The following SRL variants were observed in gnomAD, a reference collection of about 807,000 sequenced individuals.
The protein encoded by SRL is sarcalumenin.
SRL carries 23 observed loss-of-function variants against 39.5 expected under a neutral mutation model. The observed-to-expected ratio is 0.58, with a 90% CI of 0.42 to 0.82. The LOEUF is 0.82. Among genes scored for constraint, SRL ranks in the 40% least tolerant of loss-of-function variants. SRL has a pLI of 0.00. For missense variants in SRL, 592 were observed against 607.8 expected (o/e 0.97, Z 0.27); for synonymous variants, 272 against 237.4 (o/e 1.15, Z -1.34).
At chr16:4,223,043 A>G (rs977564178) in intron 1 of SRL, among the ~76,000 whole-genome samples, 1 of 152,086 alleles carries the variant, frequency 6.6e-6, no homozygotes, top group South Asian at 2.1e-4. Flanking sequence ...TAGCCTGGCC[A>G]GCATGGTAAA....
At chr16:4,201,842 A>G (rs568843695) in intron 3 of SRL, among the ~76,000 whole-genome samples, 1 of 92,498 alleles carries the variant, frequency 1.1e-5, no homozygotes, top group African/African-American at 6.2e-5. Context: ...TTTTAATAGA[A>G]ACGGGGTTTC....
chr16:4,193,004 T>A (rs1265476367), intron 5 of SRL, 40 bp from the exon 6 acceptor site: 2 of 1,555,756 alleles, frequency 1.3e-6, no homozygotes, highest in East Asian at 2.3e-5. Flanking sequence ...TGAGTAGGCC[T>A]CCCTCAAAGC....
intron 1 of SRL, among the ~76,000 whole-genome samples, chr16:4,223,225 C>T: frequency 8.8e-6 from 1 of 114,166 alleles, no homozygotes; most frequent in African/African-American, 4.1e-5. Context: ...GAGCAAAACT[C>T]TGTCTCAAAA....
At position 4,222,131 on chromosome 16, in the gene SRL, A is replaced by G. The variant is rs564440178; in HGVS notation, c.62-17497T>C. On this transcript the variant is annotated intron_variant, in intron 1 of 5. Coordinates refer to ENST00000399609, the MANE Select transcript of SRL (RefSeq NM_001098814.2). ...ACCACCACCTGCCTAACCCACTGCC[A>G]CTCCCTTCCCCCAGCCTGGCCCCTC... Among the ~76,000 whole-genome samples, 11 of 151,558 alleles carry G rather than the reference A, an allele frequency of 7.3e-5. No homozygotes were observed. The South Asian group carries it at 2.3e-3, about 32-fold the overall frequency.
intron 5 of SRL, among the ~76,000 whole-genome samples, chr16:4,195,281 C>T (rs1428558035): frequency 6.6e-6 from 1 of 152,040 alleles, no homozygotes; most frequent in Non-Finnish European, 1.5e-5. Context: ...ATTGCAGCCT[C>T]AACTTCCTCA....
chr16:4,224,060 T>G (rs950410032), intron 1 of SRL, among the ~76,000 whole-genome samples: 1 of 151,674 alleles, frequency 6.6e-6, no homozygotes, highest in African/African-American at 2.4e-5. Context: ...TGGATGGAAC[T>G]CTAGTAGCCA....
At chr16:4,233,650 C>T (rs567347517) in intron 1 of SRL, among the ~76,000 whole-genome samples, 7 of 152,190 alleles carry the variant, frequency 4.6e-5, no homozygotes, top group South Asian at 4.1e-4. Flanking sequence ...AACTCATTCC[C>T]GCCTGCACAG....
intron 3 of SRL, 143 bp from the exon 4 acceptor site, chr16:4,198,058 GCGCTTCTCTTGCTA>G (rs1431578161): frequency 7.7e-6 from 5 of 647,214 alleles, no homozygotes; most frequent in Non-Finnish European, 1.4e-5. Context: ...GCCCCCAGTG[GCGCTTCTCTTGCTA>G]CGTAAGTGTG....
At chr16:4,201,473 T>C (rs370621702) in intron 3 of SRL, among the ~76,000 whole-genome samples, 19,306 of 126,518 alleles carry the variant, frequency 0.15, 2,586 homozygotes, top group African/African-American at 0.27. Flanking sequence ...GGCAGGGTTC[T>C]GCCATGTTGG....
intron 1 of SRL, among the ~76,000 whole-genome samples, chr16:4,216,405 G>A (rs538246769): frequency 3.9e-5 from 6 of 151,986 alleles, no homozygotes; most frequent in Middle Eastern, 3.4e-3. Flanking sequence ...CTGAGTAGCC[G>A]GGACCACAAG....
At chr16:4,211,373 T>C (rs915265163) in intron 1 of SRL, among the ~76,000 whole-genome samples, 1 of 152,208 alleles carries the variant, frequency 6.6e-6, no homozygotes, top group Non-Finnish European at 1.5e-5. Context: ...AGGCTTCTCC[T>C]CTGGGAATCC....
At chr16:4,206,311 G>T (rs1020113703) in intron 1 of SRL, among the ~76,000 whole-genome samples, 1 of 152,134 alleles carries the variant, frequency 6.6e-6, no homozygotes, top group African/African-American at 2.4e-5. Context: ...TCTTCAAGGG[G>T]AGACCCCAGT....
At position 4,203,224 on chromosome 16, in the gene SRL, G is replaced by A. The variant is rs1284489880; in HGVS notation, c.201C>T (p.Ser67=). Residue 67 remains serine (S), a synonymous_variant, in exon 3 of 6, where the codon TCC becomes TCT. Coordinates refer to ENST00000399609, the MANE Select transcript of SRL (RefSeq NM_001098814.2). ...LQRLRKIYHS[S]IKPLEQSYKY... ...TGTAGGACTGCTCCAGAGGCTTGAT[G>A]GATGAGTGGTAGATCTTCCGAAGCC... 6.2e-7 allele frequency: 1 copy of A among 1,614,210 alleles called. No homozygotes were observed. The highest frequency in any genetic ancestry group is 8.5e-7 in the Non-Finnish European group (1 of 1,180,016).
At chr16:4,199,289 T>A (rs1424589958) in intron 3 of SRL, among the ~76,000 whole-genome samples, 1 of 151,898 alleles carries the variant, frequency 6.6e-6, no homozygotes, top group East Asian at 1.9e-4. Context: ...AGGTAACCAC[T>A]GCTGACTTCT....
At chr16:4,239,810 C>T (rs2052753174) in intron 1 of SRL, 1 of 152,236 alleles carries the variant, frequency 6.6e-6, no homozygotes, top group African/African-American at 2.4e-5. Context: ...GGAGACCGAT[C>T]AAATCATTGC....
chr16:4,234,994 C>T (rs1435566649), intron 1 of SRL, among the ~76,000 whole-genome samples: 1 of 152,192 alleles, frequency 6.6e-6, no homozygotes, highest in Non-Finnish European at 1.5e-5. Context: ...AGCAAAGTGC[C>T]CATCTGTGCT....
intron 1 of SRL, among the ~76,000 whole-genome samples, chr16:4,218,422 G>A (rs2052485743): frequency 6.6e-6 from 1 of 152,142 alleles, no homozygotes; most frequent in African/African-American, 2.4e-5. Context: ...CATCCTCATG[G>A]TAAGTGAGCA....
chr16:4,192,702 G>A lies in SRL; in HGVS notation c.873C>T (p.Ser291=), dbSNP rs778645511. 3.1e-6 allele frequency: 5 copies of A among 1,614,060 alleles called. No individual in the cohort carries two copies. The highest frequency in any genetic ancestry group is 1.6e-4 in the Middle Eastern group (1 of 6,084). Residue 291 remains serine (S), a synonymous_variant, in exon 6 of 6, where the codon AGC becomes AGT. Coordinates refer to ENST00000399609, the MANE Select transcript of SRL (RefSeq NM_001098814.2). This position sits in a 1 kb window ranked among gnomAD's most constrained non-coding sequence, Gnocchi z 4.0. The part of the protein sequence containing the change: ...NVTEPPRVYV[S]SFWPQEYKPD... ...GCTTATACTCTTGTGGCCAGAAGGA[G>A]CTGACGTAAACCCTTGGGGGCTCTG...
chr16:4,197,724 C>T, intron 4 of SRL, 75 bp downstream of exon 4: 2 of 1,098,560 alleles, frequency 1.8e-6, no homozygotes, highest in Non-Finnish European at 2.8e-6. Context: ...TAATGTCCGG[C>T]CAGTGATTTA....
Sources: allele counts gnomAD v4.1 joint callset (sites outside exome capture counted in the v4.1 genomes callset), GRCh38; gene constraint gnomAD v4.1.1; non-coding constraint Gnocchi (gnomAD v3.1); transcripts MANE v1.5; gene names NCBI Gene and HGNC (gene_info 2026-07-23, HGNC 2026-07-21).